The following GSTM3 variants were observed in gnomAD, a reference collection of about 807,000 sequenced individuals.
GSTM3 encodes the protein GST class-mu 3.
GSTM3 carries 34 observed loss-of-function variants against 36.1 expected under a neutral mutation model. The ratio of observed to expected loss-of-function variants is 0.94; its 90% CI spans 0.72 to 1.25. The LOEUF (loss-of-function observed/expected upper bound fraction) is 1.25. GSTM3 is among the 50% of genes most tolerant of loss of function. GSTM3 has a pLI of 0.00. For synonymous variants in GSTM3, 102 were observed against 99.5 expected (o/e 1.03, Z -0.15); for missense variants, 266 against 281.6 (o/e 0.94, Z 0.40).
rs1477946750 is a variant in GSTM3, at chr1:109,735,716, C to T, written c.*1355G>A. 7.0e-6 allele frequency: 1 copy of T among 142,696 alleles called. No homozygotes were observed. Among genetic ancestry groups the T allele is most frequent in the Admixed American group, 7.4e-5 (1 of 13,588 alleles). 8.8% of individuals were successfully genotyped at this position (142,696 alleles called of 1,614,324 possible). A position where few individuals can be genotyped will look rare whatever the true frequency, so the allele number is the denominator to read the frequency against. Reference sequence around the variant, plus strand: ...GGAGTGCAGTGGCGTGATCTCGGCTCACTGCAACCTCTGCCTCCCAGGTTC... The same window carrying T: ...GGAGTGCAGTGGCGTGATCTCGGCTTACTGCAACCTCTGCCTCCCAGGTTC... On this transcript the variant is annotated 3_prime_UTR_variant, in exon 9 of 9. Coordinates refer to ENST00000361066, the MANE Select transcript of GSTM3 (RefSeq NM_000849.5).
chr1:109,735,634 T>A lies in GSTM3; in HGVS notation c.*1437A>T, dbSNP rs10857798. ...ATCTTAGTATATGTCTCTTTGAATG[T>A]TTTTTTTTTTTTTTTTTTTTTTTTT... On this transcript the variant is annotated 3_prime_UTR_variant, in exon 9 of 9. Coordinates refer to ENST00000361066, the MANE Select transcript of GSTM3 (RefSeq NM_000849.5). 0.36 allele frequency: 27,558 copies of A among 76,398 alleles called. 4,906 individuals are homozygous for A. Among genetic ancestry groups the A allele is most frequent in the East Asian group, 0.71 (2,372 of 3,352 alleles). 4.7% of individuals were successfully genotyped at this position (76,398 alleles called of 1,614,324 possible).
intron 6 of GSTM3, 48 bp downstream of exon 6, chr1:109,738,043 C>G (rs193146562): frequency 2.5e-6 from 3 of 1,207,536 alleles, no homozygotes; most frequent in African/African-American, 1.5e-5. Context: ...TCCTAAATAC[C>G]CCTTTTTCTG....
chr1:109,739,991 G>A (rs1403654268), intron 2 of GSTM3, 83 bp from the exon 3 acceptor site: 1 of 1,176,604 alleles, frequency 8.5e-7, no homozygotes. Flanking sequence ...GCCCGGGGCT[G>A]CCGAGTCCCT....
rs1649245036 is a variant in GSTM3, at chr1:109,737,678, A to C, written c.446T>G (p.Phe149Cys). 6 of 1,610,162 alleles carry C rather than the reference A, an allele frequency of 3.7e-6. No homozygotes were observed. The highest frequency in any genetic ancestry group is 5.1e-6 in the Non-Finnish European group (6 of 1,177,554). Residue 149 changes from phenylalanine (F) to cysteine (C), a missense_variant, in exon 7 of 9, where the codon TTC becomes TGC. Phe to Cys is a radical substitution (Grantham distance 205, BLOSUM62 -2). Transcript: ENST00000361066. ...LKQFSMFLGK[F>C]SWFAGEKLTF... ...TACCTTTTCCCCGGCAAACCATGAG[A>C]ATTTCCCCAGAAACATGGAGAATTG...
chr1:109,739,808 G>T (rs752505516), intron 3 of GSTM3, 25 bp downstream of exon 3: 12 of 1,521,776 alleles, frequency 7.9e-6, no homozygotes, highest in Non-Finnish European at 1.1e-5. Flanking sequence ...CAGCTTGGCT[G>T]CACGGGCACG....
In GSTM3 at chr1:109,738,321, C is replaced by T; in HGVS notation, c.235G>A (p.Ala79Thr). The T allele has an allele frequency of 2.5e-6, 4 of 1,614,106 alleles. No individual in the cohort carries two copies. Among genetic ancestry groups the T allele is most frequent in the South Asian group, 2.2e-5 (2 of 91,086 alleles). Residue 79 changes from alanine to threonine, a missense_variant, in exon 5 of 9, where the codon GCC becomes ACC. Transcript: ENST00000361066. The stretch of plus-strand genomic sequence containing the variant: ...TTGCGAGCGATGTAGCGCAAGATGG[C>T]ATTGCTCTGGGTGATCTTGTTCTTC... ...DGKNKITQSN[A>T]ILRYIARKHN... is the part of the protein sequence containing the mutation.
chr1:109,739,854 T>G lies in GSTM3; in HGVS notation c.103A>C (p.Lys35Gln). The G allele has an allele frequency of 6.4e-7, 1 of 1,553,534 alleles. No individual in the cohort carries two copies. Among genetic ancestry groups the G allele is most frequent in the Non-Finnish European group, 8.7e-7 (1 of 1,147,672 alleles). Residue 35 changes from lysine to glutamine, a missense_variant, in exon 3 of 9, where the codon AAA becomes CAA. By Grantham distance (53) the Lys-to-Gln change is moderately conservative. Coordinates refer to ENST00000361066, the MANE Select transcript of GSTM3 (RefSeq NM_000849.5). ...TTACCTTCCCCGCACGTGTACCGTTTCTCCTCATAAGAGGTATCCGTGAAC... is the reference window on the plus strand; with the variant it reads ...TTACCTTCCCCGCACGTGTACCGTTGCTCCTCATAAGAGGTATCCGTGAAC... ...LEFTDTSYEE[K>Q]RYTCGEAPDY...
chr1:109,737,952 A>C, intron 6 of GSTM3, 139 bp downstream of exon 6: 1 of 690,824 alleles, frequency 1.4e-6, no homozygotes, highest in Non-Finnish European at 2.5e-6. Context: ...ACCAAAAAAT[A>C]TAAGTTCTGT....
At position 109,737,460 on chromosome 1, in the gene GSTM3, A is replaced by G. The variant is rs776876626; in HGVS notation, c.576T>C (p.Phe192=). The change falls in exon 8 of 9, where the codon TTT becomes TTC. Residue 192 remains phenylalanine (F), a synonymous_variant. Coordinates refer to ENST00000361066, the MANE Select transcript of GSTM3 (RefSeq NM_000849.5). The stretch of plus-strand genomic sequence containing the variant: ...AGAAAGGTGCAGGAAACGTCACCTC[A>G]AAACGGCACATGAAAGCCTTCAGGT... ...FPNLKAFMCR[F]EALEKIAAYL... The G allele has an allele frequency of 1.9e-6, 3 of 1,595,806 alleles. No homozygotes were observed. The highest frequency in any genetic ancestry group is 2.6e-6 in the Non-Finnish European group (3 of 1,163,366).
In GSTM3 at chr1:109,737,021, C is replaced by T. The variant is rs1475379544; in HGVS notation, c.*50G>A. On this transcript the variant is annotated 3_prime_UTR_variant, in exon 9 of 9. Coordinates refer to ENST00000361066, the MANE Select transcript of GSTM3 (RefSeq NM_000849.5). ...AAAAGAGCAAAGCAAGAGCGCTGAC[C>T]CCTTACGGACAGGATGAAACAAAAC... is the stretch of plus-strand genomic sequence containing the variant. 9 of 1,110,416 alleles carry T rather than the reference C, an allele frequency of 8.1e-6. No individual in the cohort carries two copies. Among genetic ancestry groups the T allele is most frequent in the South Asian group, 1.3e-5 (1 of 79,834 alleles). The allele number at this position is 1,110,416 out of a possible 1,614,324, so 68.8% of individuals were successfully genotyped here. A position where few individuals can be genotyped will look rare whatever the true frequency, so the allele number is the denominator to read the frequency against.
chr1:109,740,279 G>A lies in GSTM3; in HGVS notation c.9C>T (p.Cys3=), dbSNP rs781626404. The part of the protein sequence containing the change: MS[C]ESSMVLGYWD... ...AGTACCCGAGAACCATAGACGACTC[G>A]CACGACATGGTGACGGGCTTCCGAG... The change falls in exon 2 of 9, where the codon TGC becomes TGT. Residue 3 remains cysteine, a synonymous_variant. Coordinates refer to ENST00000361066, the MANE Select transcript of GSTM3 (RefSeq NM_000849.5). 2.5e-6 allele frequency: 4 copies of A among 1,613,400 alleles called. No individual in the cohort carries two copies. Among genetic ancestry groups the A allele is most frequent in the Middle Eastern group, 1.7e-4 (1 of 6,060 alleles).
rs1234186580 is a variant in GSTM3 at position 109,740,551 on chromosome 1, T to A, written c.-224-40A>T. 5.8e-6 allele frequency: 3 copies of A among 515,126 alleles called. No homozygotes were observed. In the African/African-American group the frequency reaches 6.1e-5, roughly 11 times the overall value. 31.9% of individuals were successfully genotyped at this position (515,126 alleles called of 1,614,324 possible). ...AGGACCCGAGGTTGAGGCTCCTCCC[T>A]TCCCCGCGGGTGGGAGCCAGACTTC... On this transcript the variant is annotated intron_variant, in intron 1 of 8. Coordinates refer to ENST00000361066, the MANE Select transcript of GSTM3 (RefSeq NM_000849.5).
chr1:109,740,185 C>T, intron 2 of GSTM3, 55 bp downstream of exon 2: 2 of 1,493,490 alleles, frequency 1.3e-6, no homozygotes, highest in Non-Finnish European at 1.9e-6. Context: ...AGAGACCCGC[C>T]CTCTCCGCGT....
rs1205307784 is a variant in GSTM3 at position 109,737,158 on chromosome 1, T to C, written c.591A>G (p.Lys197=). The C allele has an allele frequency of 6.2e-7, 1 of 1,612,922 alleles. No homozygotes were observed. Among genetic ancestry groups the C allele is most frequent in the Non-Finnish European group, 8.5e-7 (1 of 1,179,016 alleles). The change falls in exon 9 of 9, where the codon AAA becomes AAG. Residue 197 remains lysine, a synonymous_variant. Coordinates refer to ENST00000361066, the MANE Select transcript of GSTM3 (RefSeq NM_000849.5). The stretch of plus-strand genomic sequence containing the variant: ...GATCAGACTGTAAGTAGGCAGCGAT[T>C]TTCTCCAAAGCCTGAAAGGAAAATA... ...AFMCRFEALE[K]IAAYLQSDQF...
In GSTM3 at chr1:109,740,407, C is replaced by T. The variant is rs1242203825; in HGVS notation, c.-120G>A. The T allele has an allele frequency of 1.2e-6, 1 of 813,946 alleles. No individual in the cohort carries two copies. The highest frequency in any genetic ancestry group is 1.7e-5 in the African/African-American group (1 of 57,864). The allele number at this position is 813,946 out of a possible 1,614,324, so 50.4% of individuals were successfully genotyped here. A position where few individuals can be genotyped will look rare whatever the true frequency, so the allele number is the denominator to read the frequency against. ...CCTGACTCCGCCTCCGCCCCGTTCT[C>T]CGTCCCTTGCCTCCGCGGCTCCACA... On this transcript the variant is annotated 5_prime_UTR_variant, in exon 2 of 9. Transcript: ENST00000361066.
Position 109,737,083 on chromosome 1 carries a change from C to T in GSTM3, c.666G>A (p.Lys222=), listed in dbSNP as rs1447064201. 2 of 1,606,492 alleles carry T rather than the reference C, an allele frequency of 1.2e-6. No individual in the cohort carries two copies. Among genetic ancestry groups the T allele is most frequent in the African/African-American group, 2.7e-5 (2 of 74,826 alleles). The change falls in exon 9 of 9, where the codon AAG becomes AAA. Residue 222 remains lysine, a synonymous_variant. Coordinates refer to ENST00000361066, the MANE Select transcript of GSTM3 (RefSeq NM_000849.5). ...INNKMAQWGN[K]PVC ...GTCTGCCTCCTGCTCAGCATACAGG[C>T]TTGTTGCCCCACTGGGCCATCTTGT... is the stretch of plus-strand genomic sequence containing the variant.
rs1649179454 is a variant in GSTM3, at chr1:109,735,660, T to TGAGACAGAG, written c.*1410_*1411insCTCTGTCTC. The TGAGACAGAG allele has an allele frequency of 7.1e-6, 1 of 141,120 alleles. No homozygotes were observed. Among genetic ancestry groups the TGAGACAGAG allele is most frequent in the African/African-American group, 2.8e-5 (1 of 35,946 alleles). 8.7% of individuals were successfully genotyped at this position (141,120 alleles called of 1,614,324 possible). On this transcript the variant is annotated 3_prime_UTR_variant, in exon 9 of 9. Coordinates refer to ENST00000361066, the MANE Select transcript of GSTM3 (RefSeq NM_000849.5). The stretch of plus-strand genomic sequence containing the variant: ...TTTTTTTTTTTTTTTTTTTTTTTTT[T>TGAGACAGAG]TGAGACAGAGTCTCGCCCTGTAGCC...
Position 109,739,900 on chromosome 1 carries a change from G to A in GSTM3, c.57C>T (p.His19=), listed in dbSNP as rs1213628671. 3.9e-6 allele frequency: 6 copies of A among 1,553,916 alleles called. No individual in the cohort carries two copies. Among genetic ancestry groups the A allele is most frequent in the Non-Finnish European group, 5.2e-6 (6 of 1,147,774 alleles). ...LGYWDIRGLA[H]AIRLLLEFTD... Reference sequence around the variant, plus strand: ...TGAACTCCAGGAGCAGGCGGATGGCGTGCGCCAGCTGGGGAAGACAGCGGT... The same window carrying A: ...TGAACTCCAGGAGCAGGCGGATGGCATGCGCCAGCTGGGGAAGACAGCGGT... Residue 19 remains histidine (H), a synonymous_variant, in exon 3 of 9, where the codon CAC becomes CAT. Coordinates refer to ENST00000361066, the MANE Select transcript of GSTM3 (RefSeq NM_000849.5).
At chr1:109,737,807 G>T (rs1649248453) in intron 6 of GSTM3, 56 bp from the exon 7 acceptor site, 1 of 1,076,464 alleles carries the variant, frequency 9.3e-7, no homozygotes, top group East Asian at 2.4e-5. Flanking sequence ...GTTAATCAGG[G>T]CACAGGCCAG....
Sources: allele counts gnomAD v4.1 joint callset, GRCh38; gene constraint gnomAD v4.1.1; transcripts MANE v1.5; gene names NCBI Gene and HGNC (gene_info 2026-07-23, HGNC 2026-07-21).